Variants in CLSTN2 observed in about 807,000 individuals in gnomAD.
CLSTN2 encodes the protein calsyntenin-2.
A neutral mutation model predicts 101.2 loss-of-function variants in CLSTN2; 48 were observed. The ratio of observed to expected loss-of-function variants is 0.47; its 90% CI spans 0.38 to 0.60. The LOEUF is 0.60. Ranked by LOEUF, CLSTN2 falls within the 20% of genes least tolerant of loss-of-function variation. The pLI is 0.00. For synonymous variants in CLSTN2, 481 were observed against 463.6 expected (o/e 1.04, Z -0.48); for missense variants, 1,160 against 1,238.2 (o/e 0.94, Z 0.95).
intron 8 of CLSTN2, among the ~76,000 whole-genome samples, chr3:140,524,823 A>T (rs907477016): frequency 1.3e-5 from 2 of 152,244 alleles, no homozygotes; most frequent in African/African-American, 4.8e-5. Context: ...CATGGAAATT[A>T]AACAACTTTC....
At chr3:140,294,497 C>G (rs2086983893) in intron 2 of CLSTN2, among the ~76,000 whole-genome samples, 1 of 151,660 alleles carries the variant, frequency 6.6e-6, no homozygotes, top group Non-Finnish European at 1.5e-5. Flanking sequence ...TCCCCAGCTC[C>G]TAAAGGCTTC....
intron 2 of CLSTN2, among the ~76,000 whole-genome samples, chr3:140,328,830 G>C (rs929215857): frequency 5.3e-5 from 8 of 152,112 alleles, no homozygotes; most frequent in Non-Finnish European, 1.2e-4. Context: ...TTAATATGAT[G>C]GAAAGGCTTT....
At chr3:140,523,459 C>T (rs564955382) in intron 8 of CLSTN2, among the ~76,000 whole-genome samples, 1 of 152,158 alleles carries the variant, frequency 6.6e-6, no homozygotes, top group South Asian at 2.1e-4. Context: ...CTCTTTCCAG[C>T]TTTTTTATTT....
At chr3:140,558,987 T>C (rs1279346651) in intron 12 of CLSTN2, 130 bp downstream of exon 12, 11 of 680,874 alleles carry the variant, frequency 1.6e-5, no homozygotes, top group Non-Finnish European at 2.0e-5. Context: ...GGCAGCGTAA[T>C]GTATTATAGC....
intron 1 of CLSTN2, among the ~76,000 whole-genome samples, chr3:140,165,843 T>A (rs2010126818): frequency 6.6e-6 from 1 of 152,212 alleles, no homozygotes; most frequent in African/African-American, 2.4e-5. Flanking sequence ...CAAGAACAGA[T>A]ACTCAAACTA....
chr3:140,397,802 T>C lies in CLSTN2; in HGVS notation c.233-5827T>C, dbSNP rs75196394. Among the ~76,000 whole-genome samples, 21 of 152,368 alleles carry C rather than the reference T, an allele frequency of 1.4e-4. No homozygotes were observed. The East Asian group carries it at 4.0e-3, about 29-fold the overall frequency. ...TTGCACGTTGTTACATTAAAATCCA[T>C]AAAAGTTTCTTGTGCTTTGAATCTT... On this transcript the variant is annotated intron_variant, in intron 2 of 16. Coordinates refer to ENST00000458420, the MANE Select transcript of CLSTN2 (RefSeq NM_022131.3).
At chr3:140,520,737 G>T (rs1325717844) in intron 8 of CLSTN2, among the ~76,000 whole-genome samples, 1 of 152,128 alleles carries the variant, frequency 6.6e-6, no homozygotes, top group Non-Finnish European at 1.5e-5. Context: ...AGTTCTGGAT[G>T]ATATCCTCAA....
At chr3:140,155,771 C>T (rs1180106326) in intron 1 of CLSTN2, among the ~76,000 whole-genome samples, 3 of 152,158 alleles carry the variant, frequency 2.0e-5, no homozygotes, top group Non-Finnish European at 2.9e-5. Context: ...AGCCAGCTTC[C>T]CTCGTCAAAG....
chr3:140,001,714 TTC>T (rs1166018225), intron 1 of CLSTN2, among the ~76,000 whole-genome samples: 6 of 152,082 alleles, frequency 3.9e-5, no homozygotes, highest in African/African-American at 1.2e-4. Context: ...CATTCATGAT[TTC>T]TGTTTTTTTT....
intron 8 of CLSTN2, among the ~76,000 whole-genome samples, chr3:140,493,874 T>C (rs1413904905): frequency 5.3e-5 from 8 of 152,218 alleles, no homozygotes; most frequent in Admixed American, 5.2e-4. Context: ...CTAGGGCATA[T>C]CTTGATGCCA....
rs74786384 is a variant in CLSTN2 at position 139,967,073 on chromosome 3, C to T, written c.109+31590C>T. Among the ~76,000 whole-genome samples, 1,461 of 152,262 alleles carry T rather than the reference C, an allele frequency of 9.6e-3. 42 individuals are homozygous for T. In the East Asian group the frequency reaches 0.11, roughly 12 times the overall value. ...AAGGTTATGCCTGATAAATTGCTGC[C>T]ATCCCTGCTATAGGGCCTAGGCAGG... On this transcript the variant is annotated intron_variant, in intron 1 of 16. Transcript: ENST00000458420.
At chr3:140,117,808 A>G (rs1389750714) in intron 1 of CLSTN2, among the ~76,000 whole-genome samples, 1 of 152,214 alleles carries the variant, frequency 6.6e-6, no homozygotes, top group Non-Finnish European at 1.5e-5. Context: ...GACTTGACCA[A>G]GGTTACAGAG....
At chr3:140,376,281 C>T (rs868619252) in intron 2 of CLSTN2, among the ~76,000 whole-genome samples, 2 of 152,222 alleles carry the variant, frequency 1.3e-5, no homozygotes, top group Admixed American at 6.5e-5. Context: ...TTCTAACCTT[C>T]ACCCCACCTC....
chr3:140,437,050 GTT>G (rs11382080), intron 5 of CLSTN2, among the ~76,000 whole-genome samples: 2 of 135,120 alleles, frequency 1.5e-5, no homozygotes, highest in Admixed American at 7.5e-5. Context: ...GGGAGGTTTG[GTT>G]TTTTTTTTTT....
chr3:140,179,649 AAAAC>A (rs2010378784), intron 2 of CLSTN2, among the ~76,000 whole-genome samples: 2 of 147,514 alleles, frequency 1.4e-5, no homozygotes, highest in Non-Finnish European at 3.0e-5. Context: ...AAAAAAAAAA[AAAAC>A]CTTGCTATTA....
At chr3:140,090,201 G>A (rs1049765512) in intron 1 of CLSTN2, among the ~76,000 whole-genome samples, 1 of 150,792 alleles carries the variant, frequency 6.6e-6, no homozygotes, top group Admixed American at 6.6e-5. Flanking sequence ...TATCTTGGGG[G>A]AAGCATGTCT....
At chr3:140,000,148 G>A (rs1224229587) in intron 1 of CLSTN2, among the ~76,000 whole-genome samples, 1 of 151,942 alleles carries the variant, frequency 6.6e-6, no homozygotes, top group African/African-American at 2.4e-5. Flanking sequence ...AACTACATTT[G>A]TAGATGAGGG....
intron 2 of CLSTN2, among the ~76,000 whole-genome samples, chr3:140,257,027 G>A (rs905437298): frequency 3.9e-5 from 6 of 152,116 alleles, no homozygotes; most frequent in Admixed American, 3.3e-4. Context: ...GATGGCTCAC[G>A]CTTGTAATCC....
chr3:140,415,476 C>A (rs2107986382), intron 4 of CLSTN2, among the ~76,000 whole-genome samples: 1 of 30,432 alleles, frequency 3.3e-5, no homozygotes. Context: ...ACTCATATAA[C>A]ACAAAATAGC....
Sources: gnomAD v4.1 joint callset for allele counts (sites outside exome capture counted in the v4.1 genomes callset) on GRCh38, gnomAD v4.1.1 for gene constraint, MANE v1.5 for transcripts, NCBI Gene and HGNC (gene_info 2026-07-23, HGNC 2026-07-21) for gene names.